The following ENPEP variants were observed in gnomAD, a reference collection of about 807,000 sequenced individuals.
ENPEP encodes the protein glutamyl aminopeptidase.
A neutral mutation model predicts 114.5 loss-of-function variants in ENPEP; 103 were observed. The observed-to-expected ratio is 0.90, with a 90% CI of 0.77 to 1.06. The LOEUF is 1.06. ENPEP is among the 50% of genes least tolerant of loss of function. ENPEP has a pLI of 0.00. For missense variants in ENPEP, 1,196 were observed against 1,161.3 expected, an observed-to-expected ratio of 1.03 and a Z score of -0.43; for synonymous variants, 420 against 422.0, an observed-to-expected ratio of 1.00 and a Z score of 0.06.
chr4:110,476,791 G>T lies in ENPEP; in HGVS notation c.377G>T (p.Ser126Ile). 6.2e-7 allele frequency: 1 copy of T among 1,614,188 alleles called. No individual in the cohort carries two copies. The highest frequency in any genetic ancestry group is 8.5e-7 in the Non-Finnish European group (1 of 1,180,028). ...ACCGTGAGCATCTCCATCAACCTGA[G>T]CGCTCCCACCCGGTACCTGTGGCTG... ...TGTVSISINL[S>I]APTRYLWLHL... The change falls in exon 1 of 20, where the codon AGC becomes ATC. Residue 126 changes from serine (S) to isoleucine (I), a missense_variant. Ser to Ile is a moderately radical substitution (Grantham distance 142). Coordinates refer to ENST00000265162, the MANE Select transcript of ENPEP (RefSeq NM_001977.4).
chr4:110,539,599 A>G (rs1726775646), intron 11 of ENPEP, among the ~76,000 whole-genome samples: 1 of 151,998 alleles, frequency 6.6e-6, no homozygotes, highest in African/African-American at 2.4e-5. Flanking sequence ...TGCTATGTTG[A>G]CCAGGCTGGT....
At chr4:110,511,062 G>A (rs1725555487) in intron 6 of ENPEP, among the ~76,000 whole-genome samples, 1 of 152,076 alleles carries the variant, frequency 6.6e-6, no homozygotes, top group African/African-American at 2.4e-5. Context: ...TATATCATGG[G>A]AGTATTCTTG....
At chr4:110,556,393 C>T (rs996888124) in intron 18 of ENPEP, among the ~76,000 whole-genome samples, 2 of 151,776 alleles carry the variant, frequency 1.3e-5, no homozygotes, top group African/African-American at 4.8e-5. Context: ...GCTTTTTTTC[C>T]TCATCATCCT....
chr4:110,481,545 A>G (rs186635319), intron 1 of ENPEP, among the ~76,000 whole-genome samples: 23 of 152,308 alleles, frequency 1.5e-4, no homozygotes, highest in African/African-American at 4.6e-4. Flanking sequence ...AAATATTATC[A>G]TATAAGCTCT....
rs906963379 is a variant in ENPEP at position 110,564,643 on chromosome 4, G to A, written c.*3085G>A. ...AAACCTAAGCAACTGAAGGCACTAAGGGTAGGCTATGTGTTAGCCTGTGTT... is the reference window on the plus strand; with the variant it reads ...AAACCTAAGCAACTGAAGGCACTAAAGGTAGGCTATGTGTTAGCCTGTGTT... On this transcript the variant is annotated 3_prime_UTR_variant, in exon 20 of 20. Transcript: ENST00000265162. The A allele has an allele frequency of 6.6e-6, 1 of 152,124 alleles. No homozygotes were observed. Among genetic ancestry groups the A allele is most frequent in the Non-Finnish European group, 1.5e-5 (1 of 68,026 alleles). The allele number at this position is 152,124 out of a possible 1,614,324, so 9.4% of individuals were successfully genotyped here.
chr4:110,484,803 G>A (rs541440459), intron 1 of ENPEP, among the ~76,000 whole-genome samples: 1 of 148,256 alleles, frequency 6.7e-6, no homozygotes, highest in East Asian at 2.0e-4. Flanking sequence ...CTGGCATCCA[G>A]CCAAGAGTAA....
intron 11 of ENPEP, among the ~76,000 whole-genome samples, chr4:110,541,083 G>A (rs1726830350): frequency 6.6e-6 from 1 of 152,132 alleles, no homozygotes; most frequent in Non-Finnish European, 1.5e-5. Flanking sequence ...AAAATGTACA[G>A]ATGCCAAAAG....
At position 110,506,773 on chromosome 4, in the gene ENPEP, T is replaced by C. The variant is rs759386466; in HGVS notation, c.1039+16T>C. The C allele has an allele frequency of 1.3e-6, 2 of 1,488,542 alleles. No individual in the cohort carries two copies. The highest frequency in any genetic ancestry group is 1.4e-5 in the African/African-American group (1 of 70,406). The allele number at this position is 1,488,542 out of a possible 1,614,324, so 92.2% of individuals were successfully genotyped here. Reference sequence around the variant, plus strand: ...CCTAAATTAGGTGAGGATCATTTTTTAATTTTCTTATTTTTAATATTGCCT... The same window carrying C: ...CCTAAATTAGGTGAGGATCATTTTTCAATTTTCTTATTTTTAATATTGCCT... On this transcript the variant is annotated intron_variant, in intron 4 of 19. Coordinates refer to ENST00000265162, the MANE Select transcript of ENPEP (RefSeq NM_001977.4).
rs1727711905 is a variant in ENPEP at position 110,562,481 on chromosome 4, A to G, written c.*923A>G. 1 of 152,126 alleles carries G rather than the reference A, an allele frequency of 6.6e-6. No homozygotes were observed. Among genetic ancestry groups the G allele is most frequent in the Non-Finnish European group, 1.5e-5 (1 of 68,010 alleles). The allele number at this position is 152,126 out of a possible 1,614,324, so 9.4% of individuals were successfully genotyped here. ...AGAGAGAAGGCAGATTATTTCTTAA[A>G]ACTAAATGGAATTAGAATTTAGCTT... On this transcript the variant is annotated 3_prime_UTR_variant, in exon 20 of 20. Coordinates refer to ENST00000265162, the MANE Select transcript of ENPEP (RefSeq NM_001977.4).
intron 19 of ENPEP, among the ~76,000 whole-genome samples, chr4:110,560,740 C>G (rs1383604275): frequency 1.3e-5 from 2 of 152,160 alleles, no homozygotes; most frequent in African/African-American, 4.8e-5. Flanking sequence ...AATCTCAAAT[C>G]TTTCCGGTTT....
rs1227983184 is a variant in ENPEP at position 110,563,619 on chromosome 4, C to T, written c.*2061C>T. 2.0e-5 allele frequency: 3 copies of T among 151,938 alleles called. No homozygotes were observed. The highest frequency in any genetic ancestry group is 3.4e-3 in the Middle Eastern group (1 of 292). 9.4% of individuals were successfully genotyped at this position (151,938 alleles called of 1,614,324 possible). A position where few individuals can be genotyped will look rare whatever the true frequency, so the allele number is the denominator to read the frequency against. On this transcript the variant is annotated 3_prime_UTR_variant, in exon 20 of 20. Transcript: ENST00000265162. ...GGACAAAAAATTTAATATGATGTTT[C>T]CAAAATTAAGCCACAGTAAATTTAA...
At chr4:110,498,287 G>T (rs1396297233) in intron 3 of ENPEP, among the ~76,000 whole-genome samples, 2 of 152,072 alleles carry the variant, frequency 1.3e-5, no homozygotes, top group Non-Finnish European at 2.9e-5. Context: ...GTTTTTGGGG[G>T]ATCCTTTAAG....
chr4:110,481,638 C>A (rs1724315310), intron 1 of ENPEP, among the ~76,000 whole-genome samples: 1 of 152,194 alleles, frequency 6.6e-6, no homozygotes, highest in Non-Finnish European at 1.5e-5. Context: ...TAACTTCCAC[C>A]AATAACATCT....
In ENPEP at chr4:110,553,383, T is replaced by G. The variant is rs1415970976; in HGVS notation, c.2570T>G (p.Ile857Ser). Reference protein sequence around the residue: ...TQDVFTVIRYISYNSYGKNMA... With the variant: ...TQDVFTVIRYSSYNSYGKNMA... Reference sequence around the variant, plus strand: ...GATGTGTTTACAGTCATTCGATATATCTCATATAACAGCTATGGGAAGAAC... The same window carrying G: ...GATGTGTTTACAGTCATTCGATATAGCTCATATAACAGCTATGGGAAGAAC... Residue 857 changes from isoleucine (I) to serine (S), a missense_variant, in exon 18 of 20, where the codon ATC becomes AGC. Physicochemically the swap from Ile to Ser is moderately radical, Grantham distance 142 (BLOSUM62 -2). Transcript: ENST00000265162. The G allele has an allele frequency of 4.3e-6, 7 of 1,611,614 alleles. No homozygotes were observed. The highest frequency in any genetic ancestry group is 5.9e-6 in the Non-Finnish European group (7 of 1,178,338).
At chr4:110,508,577 C>T (rs1013211531) in intron 4 of ENPEP, among the ~76,000 whole-genome samples, 2 of 152,122 alleles carry the variant, frequency 1.3e-5, no homozygotes, top group African/African-American at 2.4e-5. Context: ...TTTGGGAGGC[C>T]GAGGCGGGTG....
intron 3 of ENPEP, among the ~76,000 whole-genome samples, chr4:110,503,228 A>G (rs1038639886): frequency 6.6e-6 from 1 of 152,204 alleles, no homozygotes; most frequent in Non-Finnish European, 1.5e-5. Context: ...TACAAAGGAC[A>G]TGAACTGGAT....
chr4:110,505,912 A>G (rs1267548691), intron 3 of ENPEP, among the ~76,000 whole-genome samples: 1 of 152,228 alleles, frequency 6.6e-6, no homozygotes, highest in African/African-American at 2.4e-5. Context: ...AAAGTCAGAC[A>G]TGCTTAGAAT....
At chr4:110,551,066 C>A (rs1303874410) in intron 17 of ENPEP, among the ~76,000 whole-genome samples, 1 of 137,508 alleles carries the variant, frequency 7.3e-6, no homozygotes, top group African/African-American at 2.7e-5. Context: ...CCAACCTGGG[C>A]AACATAGTGA....
chr4:110,484,359 T>C (rs1407746611), intron 1 of ENPEP, among the ~76,000 whole-genome samples: 1 of 152,124 alleles, frequency 6.6e-6, no homozygotes, highest in African/African-American at 2.4e-5. Context: ...TGGATTAGAA[T>C]GTAAGAATGT....
Sources: allele counts gnomAD v4.1 joint callset (sites outside exome capture counted in the v4.1 genomes callset), GRCh38; gene constraint gnomAD v4.1.1; transcripts MANE v1.5; gene names NCBI Gene and HGNC (gene_info 2026-07-23, HGNC 2026-07-21).